The following STX17 variants were observed in gnomAD, a reference collection of about 807,000 sequenced individuals.
STX17 encodes syntaxin 17.
STX17 carries 29 observed loss-of-function variants against 35.9 expected under a neutral mutation model. That is an observed-to-expected ratio of 0.81 (90% CI 0.60 to 1.10). The LOEUF (loss-of-function observed/expected upper bound fraction) is 1.10, where lower values mean the gene tolerates loss of function less well. Among genes scored for constraint, STX17 ranks in the 50% least tolerant of loss-of-function variants. The pLI is 0.00. For synonymous variants in STX17, 92 were observed against 118.3 expected, an observed-to-expected ratio of 0.78 and a Z score of 1.44; for missense variants, 312 against 352.3, an observed-to-expected ratio of 0.89 and a Z score of 0.92.
At chr9:99,909,364 A>G (rs2118282211) in intron 1 of STX17, among the ~76,000 whole-genome samples, 1 of 152,340 alleles carries the variant, frequency 6.6e-6, no homozygotes, top group East Asian at 1.9e-4. Context: ...GAGTGATAGG[A>G]TTAGCAATTG....
At chr9:99,937,451 A>G (rs1829259609) in intron 3 of STX17, among the ~76,000 whole-genome samples, 1 of 151,834 alleles carries the variant, frequency 6.6e-6, no homozygotes. Flanking sequence ...TGATTGTTTT[A>G]TCTGTGTGTT....
chr9:99,967,428 G>A, intron 6 of STX17: 1 of 385,612 alleles, frequency 2.6e-6, no homozygotes. Flanking sequence ...GCTTTTTGCT[G>A]TAAAGTTGCC....
intron 4 of STX17, among the ~76,000 whole-genome samples, chr9:99,959,519 G>A (rs914531747): frequency 2.8e-4 from 42 of 149,324 alleles, no homozygotes; most frequent in African/African-American, 1.0e-3. Context: ...GAGTGCAGCG[G>A]CGTGATCACT....
At chr9:99,927,378 A>C (rs1335612668) in intron 2 of STX17, among the ~76,000 whole-genome samples, 1 of 152,168 alleles carries the variant, frequency 6.6e-6, no homozygotes, top group African/African-American at 2.4e-5. Context: ...GCATCAATTA[A>C]ATTTTTCTTA....
chr9:99,962,022 C>T (rs1829837010), intron 6 of STX17, among the ~76,000 whole-genome samples: 1 of 152,090 alleles, frequency 6.6e-6, no homozygotes, highest in Non-Finnish European at 1.5e-5. Flanking sequence ...GAAAGTCTTT[C>T]AAGGTTTTGA....
chr9:99,950,459 T>C (rs1162093996), intron 3 of STX17, among the ~76,000 whole-genome samples: 1 of 151,944 alleles, frequency 6.6e-6, no homozygotes, highest in Non-Finnish European at 1.5e-5. Context: ...TTAGGACTTA[T>C]ATGCAGGGAT....
chr9:99,924,248 G>A, intron 2 of STX17, among the ~76,000 whole-genome samples: 1 of 152,208 alleles, frequency 6.6e-6, no homozygotes, highest in East Asian at 1.9e-4. Context: ...TCGGAGGGCA[G>A]GAGGTCAGAG....
rs572855981 is a variant in STX17, at chr9:99,921,465, A to G, written c.123+6103A>G. 2.6e-5 allele frequency among the ~76,000 whole-genome samples: 4 copies of G among 152,070 alleles called. No homozygotes were observed. In the East Asian group the frequency reaches 5.8e-4, roughly 22 times the overall value. ...TATATGGAATTGTGACCTTTCATCT[A>G]TGTTAATCCTTCTAATTTATGTTAT... is the stretch of plus-strand genomic sequence containing the variant. On this transcript the variant is annotated intron_variant, in intron 2 of 7. Coordinates refer to ENST00000259400, the MANE Select transcript of STX17 (RefSeq NM_017919.3).
intron 1 of STX17, among the ~76,000 whole-genome samples, chr9:99,911,171 G>A (rs893889009): frequency 6.6e-6 from 1 of 152,092 alleles, no homozygotes; most frequent in South Asian, 2.1e-4. Flanking sequence ...GAGCAGCTGG[G>A]AATACAGGTG....
rs896336288 is a variant in STX17, at chr9:99,971,156, G to A, written c.*2483G>A. On this transcript the variant is annotated 3_prime_UTR_variant, in exon 8 of 8. Coordinates refer to ENST00000259400, the MANE Select transcript of STX17 (RefSeq NM_017919.3). The stretch of plus-strand genomic sequence containing the variant: ...AACCAATCTTAAAATTGAATTTAAT[G>A]TTTTATCATATCAGATTAAATATTT... Among the ~76,000 whole-genome samples, 3 of 152,080 alleles carry A rather than the reference G, an allele frequency of 2.0e-5. No individual in the cohort carries two copies. Among genetic ancestry groups the A allele is most frequent in the Non-Finnish European group, 4.4e-5 (3 of 67,982 alleles).
chr9:99,949,612 C>T lies in STX17; in HGVS notation c.190-1448C>T, dbSNP rs571466577. On this transcript the variant is annotated intron_variant, in intron 3 of 7. Coordinates refer to ENST00000259400, the MANE Select transcript of STX17 (RefSeq NM_017919.3). ...TGGACTGTAATAATGTAACACCTCACTCAGAGTATGCACTTGAAAAATTAA... is the reference window on the plus strand; with the variant it reads ...TGGACTGTAATAATGTAACACCTCATTCAGAGTATGCACTTGAAAAATTAA... Among the ~76,000 whole-genome samples, 97 of 151,924 alleles carry T rather than the reference C, an allele frequency of 6.4e-4. 1 individual carries two copies. The highest frequency in any genetic ancestry group is 3.0e-3 in the Admixed American group (46 of 15,234).
intron 2 of STX17, among the ~76,000 whole-genome samples, chr9:99,917,605 A>G (rs949061623): frequency 6.6e-6 from 1 of 152,234 alleles, no homozygotes. Context: ...CTGGAGCTGT[A>G]TTCCATAGGT....
chr9:99,932,967 A>G (rs1379643912), intron 3 of STX17, among the ~76,000 whole-genome samples: 1 of 152,166 alleles, frequency 6.6e-6, no homozygotes, highest in African/African-American at 2.4e-5. Context: ...TGTAGTTTAA[A>G]TTATCAATCT....
intron 2 of STX17, among the ~76,000 whole-genome samples, chr9:99,919,775 G>A (rs1037726940): frequency 3.2e-4 from 48 of 152,230 alleles, no homozygotes; most frequent in African/African-American, 1.1e-3. Flanking sequence ...TGAGGAATAT[G>A]TAAAAGATAG....
rs531507438 is a variant in STX17, at chr9:99,908,073, T to C, written c.-63+1367T>C. 1.4e-4 allele frequency among the ~76,000 whole-genome samples: 21 copies of C among 152,168 alleles called. 1 individual carries two copies. In the South Asian group the frequency reaches 4.1e-3, roughly 30 times the overall value. ...TGTCCAGTGTTCTCTCATGATTAGA[T>C]TAAGGTTATACATTTTTGTTAAGAA... On this transcript the variant is annotated intron_variant, in intron 1 of 7. Transcript: ENST00000259400.
At chr9:99,960,558 C>T (rs1199511159) in intron 6 of STX17, among the ~76,000 whole-genome samples, 2 of 152,130 alleles carry the variant, frequency 1.3e-5, no homozygotes, top group African/African-American at 4.8e-5. Flanking sequence ...ATTTGCCTCC[C>T]TCAGCCTCCT....
intron 2 of STX17, among the ~76,000 whole-genome samples, chr9:99,925,002 A>C (rs1828960125): frequency 6.6e-6 from 1 of 152,132 alleles, no homozygotes; most frequent in African/African-American, 2.4e-5. Context: ...TTTTTGTCAA[A>C]TGATTATCTT....
chr9:99,961,018 A>G (rs890362224), intron 6 of STX17, among the ~76,000 whole-genome samples: 3 of 152,204 alleles, frequency 2.0e-5, no homozygotes, highest in African/African-American at 7.2e-5. Context: ...GAACAAAGAC[A>G]TGGAGTAGAG....
intron 6 of STX17, among the ~76,000 whole-genome samples, chr9:99,965,899 A>G (rs774067466): frequency 1.3e-5 from 2 of 152,234 alleles, no homozygotes; most frequent in African/African-American, 4.8e-5. Flanking sequence ...CTATGAAGGT[A>G]TAAGTATCAC....
Sources: allele counts gnomAD v4.1 joint callset (sites outside exome capture counted in the v4.1 genomes callset), GRCh38; gene constraint gnomAD v4.1.1; transcripts MANE v1.5; gene names NCBI Gene and HGNC (gene_info 2026-07-23, HGNC 2026-07-21).